Variants in STX8 observed in about 807,000 individuals in gnomAD.
STX8 encodes syntaxin-8.
In STX8, 23 loss-of-function variants were observed where a neutral mutation model predicts 37.5. The observed-to-expected ratio is 0.61, with a 90% CI of 0.44 to 0.87. The LOEUF (loss-of-function observed/expected upper bound fraction) is 0.87. STX8 is among the 40% of genes least tolerant of loss of function. The pLI, the probability that STX8 is intolerant of heterozygous loss-of-function variation, is 0.00. For missense variants in STX8, 313 were observed against 284.7 expected (o/e 1.10, Z -0.71); for synonymous variants, 115 against 99.1 (o/e 1.16, Z -0.95).
intron 6 of STX8, chr17:9,452,583 A>C (rs1395499956): frequency 6.6e-6 from 1 of 151,924 alleles, no homozygotes; most frequent in Admixed American, 6.6e-5. Context: ...CTTGGGGCAA[A>C]TGGTCCCCCA....
chr17:9,462,156 C>T (rs912871691), intron 6 of STX8, among the ~76,000 whole-genome samples: 1 of 152,184 alleles, frequency 6.6e-6, no homozygotes, highest in South Asian at 2.1e-4. Flanking sequence ...GTTAGAGAAT[C>T]AGGGGAACAA....
At chr17:9,334,075 G>C (rs1305269781) in intron 7 of STX8, among the ~76,000 whole-genome samples, 2 of 149,752 alleles carry the variant, frequency 1.3e-5, no homozygotes, top group African/African-American at 4.9e-5. Flanking sequence ...GTGCTGATTG[G>C]TTGGGTCGAA....
At chr17:9,319,431 AAAAAC>A (rs934632010) in intron 7 of STX8, among the ~76,000 whole-genome samples, 1 of 152,136 alleles carries the variant, frequency 6.6e-6, no homozygotes, top group African/African-American at 2.4e-5. Context: ...AAACAAAAAC[AAAAAC>A]AAAACAAAAC....
chr17:9,539,473 A>G (rs971465646), intron 4 of STX8, among the ~76,000 whole-genome samples: 2 of 152,234 alleles, frequency 1.3e-5, no homozygotes, highest in African/African-American at 4.8e-5. Flanking sequence ...TTAGCAGATT[A>G]ACCCCAGTTC....
intron 2 of STX8, among the ~76,000 whole-genome samples, chr17:9,565,323 A>C (rs1271513182): frequency 6.6e-6 from 1 of 152,120 alleles, no homozygotes; most frequent in Non-Finnish European, 1.5e-5. Context: ...AACAGAATAG[A>C]GAACTCAGTT....
At chr17:9,462,846 T>C (rs1018191097) in intron 6 of STX8, among the ~76,000 whole-genome samples, 2 of 152,200 alleles carry the variant, frequency 1.3e-5, no homozygotes, top group African/African-American at 4.8e-5. Context: ...GGGTATGTTC[T>C]GGATTCCTCT....
intron 6 of STX8, among the ~76,000 whole-genome samples, chr17:9,402,656 A>G (rs1209220019): frequency 6.6e-6 from 1 of 152,164 alleles, no homozygotes; most frequent in Admixed American, 6.5e-5. Flanking sequence ...TTATTCCTCT[A>G]TGTCAGTTAA....
At chr17:9,460,586 T>C (rs1014095776) in intron 6 of STX8, among the ~76,000 whole-genome samples, 3 of 147,116 alleles carry the variant, frequency 2.0e-5, no homozygotes, top group Non-Finnish European at 4.4e-5. Context: ...GGCAGGAGAA[T>C]AGCTTGAACC....
At chr17:9,253,953 C>T (rs575739279) in intron 7 of STX8, among the ~76,000 whole-genome samples, 62 of 152,304 alleles carry the variant, frequency 4.1e-4, no homozygotes, top group South Asian at 1.7e-3. Context: ...TCAAGGCATG[C>T]GCAGTCACTG....
At chr17:9,557,323 G>GTCT in intron 3 of STX8, 111 bp downstream of exon 3, 1 of 794,984 alleles carries the variant, frequency 1.3e-6, no homozygotes. Flanking sequence ...TGGAAACCAG[G>GTCT]TCTTCCTCAA....
At chr17:9,456,252 C>T (rs771732558) in intron 6 of STX8, among the ~76,000 whole-genome samples, 2 of 152,140 alleles carry the variant, frequency 1.3e-5, no homozygotes, top group Non-Finnish European at 2.9e-5. Flanking sequence ...TGAGGCTAAG[C>T]AAGTGTATTT....
chr17:9,318,850 A>C (rs1382490000), intron 7 of STX8, among the ~76,000 whole-genome samples: 2 of 152,202 alleles, frequency 1.3e-5, no homozygotes, highest in African/African-American at 4.8e-5. Context: ...AAGGGAAAAA[A>C]TGAGATCAGA....
At chr17:9,316,998 GTTC>G (rs1909406331) in intron 7 of STX8, among the ~76,000 whole-genome samples, 1 of 152,156 alleles carries the variant, frequency 6.6e-6, no homozygotes, top group African/African-American at 2.4e-5. Flanking sequence ...AAGACAGTCG[GTTC>G]TTTTTTCCTA....
rs182286330 is a variant in STX8 at position 9,531,029 on chromosome 17, T to A, written c.323+14143A>T. ...AGGCCAAGATTCATTTTTTTCCATGTGGATATCCAGTTGACATAATGCCAT... is the reference window on the plus strand; with the variant it reads ...AGGCCAAGATTCATTTTTTTCCATGAGGATATCCAGTTGACATAATGCCAT... On this transcript the variant is annotated intron_variant, in intron 4 of 7. Coordinates refer to ENST00000306357, the MANE Select transcript of STX8 (RefSeq NM_004853.3). 2.3e-3 allele frequency among the ~76,000 whole-genome samples: 349 copies of A among 152,364 alleles called. 1 individual carries two copies. The highest frequency in any genetic ancestry group is 8.2e-3 in the African/African-American group (339 of 41,586).
intron 1 of STX8, among the ~76,000 whole-genome samples, chr17:9,573,080 A>ACCCCCCCCCCCCCCCC (rs71135994): frequency 3.9e-5 from 4 of 101,576 alleles, no homozygotes; most frequent in Non-Finnish European, 6.0e-5. Flanking sequence ...CACCCCCAAC[A>ACCCCCCCCCCCCCCCC]CCCCCCCCCA....
chr17:9,329,924 T>A (rs1909907902), intron 7 of STX8, among the ~76,000 whole-genome samples: 2 of 148,912 alleles, frequency 1.3e-5, no homozygotes, highest in Admixed American at 6.6e-5. Context: ...TAGGGTCAGA[T>A]TGGAAGCAGC....
At chr17:9,312,793 C>T (rs1480762539) in intron 7 of STX8, among the ~76,000 whole-genome samples, 1 of 152,158 alleles carries the variant, frequency 6.6e-6, no homozygotes, top group Non-Finnish European at 1.5e-5. Flanking sequence ...GTACTAACTC[C>T]ACTCTGCAGT....
intron 6 of STX8, among the ~76,000 whole-genome samples, chr17:9,483,070 T>C (rs1906415326): frequency 6.6e-6 from 1 of 152,194 alleles, no homozygotes; most frequent in African/African-American, 2.4e-5. Context: ...AGATTCCTGT[T>C]GCTACTCTAA....
intron 6 of STX8, among the ~76,000 whole-genome samples, chr17:9,435,550 A>G (rs1186310619): frequency 6.6e-6 from 1 of 152,236 alleles, no homozygotes; most frequent in African/African-American, 2.4e-5. Flanking sequence ...AATTAAAAAC[A>G]TAAGGCTTTA....
Sources: gnomAD v4.1 joint callset for allele counts (sites outside exome capture counted in the v4.1 genomes callset) on GRCh38, gnomAD v4.1.1 for gene constraint, MANE v1.5 for transcripts, NCBI Gene and HGNC (gene_info 2026-07-23, HGNC 2026-07-21) for gene names.